GLIS3: variants seen among roughly 807,000 people sequenced by gnomAD.
The protein encoded by GLIS3 is GLIS family zinc finger 3.
In GLIS3, 53 loss-of-function variants were observed where a neutral mutation model predicts 78.6. The ratio of observed to expected loss-of-function variants is 0.67; its 90% CI spans 0.54 to 0.85. The LOEUF (loss-of-function observed/expected upper bound fraction) is 0.85. Among genes scored for constraint, GLIS3 ranks in the 40% least tolerant of loss-of-function variants. The pLI is 0.00. For synonymous variants in GLIS3, 684 were observed against 509.9 expected (o/e 1.34, Z -4.60); for missense variants, 1,703 against 1,231.1 (o/e 1.38, Z -5.74).
intron 4 of GLIS3, among the ~76,000 whole-genome samples, chr9:4,069,985 G>A (rs1019632749): frequency 1.3e-5 from 2 of 152,038 alleles, no homozygotes; most frequent in African/African-American, 4.8e-5. Flanking sequence ...GAGAGACCCA[G>A]GGAACATGGC....
At chr9:4,145,664 G>C (rs886120404) in intron 2 of GLIS3, among the ~76,000 whole-genome samples, 1 of 151,854 alleles carries the variant, frequency 6.6e-6, no homozygotes, top group African/African-American at 2.4e-5. Context: ...CTCTGTCAGA[G>C]GGACCTAACA....
chr9:4,158,774 G>T (rs1345035086), intron 2 of GLIS3, among the ~76,000 whole-genome samples: 4 of 152,142 alleles, frequency 2.6e-5, no homozygotes, highest in Non-Finnish European at 5.9e-5. Context: ...ACAATAATAT[G>T]AGTGAATGAA....
chr9:3,943,202 T>C (rs756152606), intron 4 of GLIS3, among the ~76,000 whole-genome samples: 12 of 152,182 alleles, frequency 7.9e-5, no homozygotes, highest in Admixed American at 2.6e-4. Context: ...CTAGCAAATC[T>C]TAACATTTAC....
chr9:4,283,766 G>C (rs1043223257), intron 2 of GLIS3, among the ~76,000 whole-genome samples: 1 of 152,198 alleles, frequency 6.6e-6, no homozygotes, highest in Non-Finnish European at 1.5e-5. Flanking sequence ...GCTTAGTATA[G>C]GAATTGTCAA....
chr9:4,094,146 G>A (rs1829750854), intron 4 of GLIS3, among the ~76,000 whole-genome samples: 1 of 152,212 alleles, frequency 6.6e-6, no homozygotes, highest in African/African-American at 2.4e-5. Flanking sequence ...AGAAAGAGAT[G>A]GGAGTGGAAC....
chr9:4,446,675 A>AT, the GLIS3 span, among the ~76,000 whole-genome samples: 4,968 of 123,290 alleles, frequency 0.04, 225 homozygotes, highest in East Asian at 0.24. Flanking sequence ...ATGCCCGGCT[A>AT]ATTTTTTTTT....
chr9:4,083,797 T>C (rs1011229229), intron 4 of GLIS3, among the ~76,000 whole-genome samples: 5 of 152,212 alleles, frequency 3.3e-5, no homozygotes, highest in Non-Finnish European at 5.9e-5. Context: ...CCTTGAAATC[T>C]ATGCAAGATG....
At position 4,212,614 on chromosome 9, in the gene GLIS3, A is replaced by G. The variant is rs1025972400; in HGVS notation, c.388+73424T>C. Among the ~76,000 whole-genome samples, 5 of 152,330 alleles carry G rather than the reference A, an allele frequency of 3.3e-5. No individual in the cohort carries two copies. In the East Asian group the frequency reaches 9.6e-4, roughly 29 times the overall value. ...TGATTTTGATATCAGAAATTCCTGA[A>G]AAACTAACTTTTAGCTGAGGTCTAA... On this transcript the variant is annotated intron_variant, in intron 2 of 10. Transcript: ENST00000381971.
rs146513056 is a variant in GLIS3, at chr9:4,219,965, C to T, written c.388+66073G>A. 1.5e-4 allele frequency among the ~76,000 whole-genome samples: 23 copies of T among 152,318 alleles called. No individual in the cohort carries two copies. In the East Asian group the frequency reaches 4.2e-3, roughly 28 times the overall value. ...TAACCACAGCTCTCTGTGGAAATGG[C>T]TGATTCCAGAGCTAAGGCAAGAAAG... On this transcript the variant is annotated intron_variant, in intron 2 of 10. Transcript: ENST00000381971.
At chr9:4,183,852 C>T (rs1021118687) in intron 2 of GLIS3, among the ~76,000 whole-genome samples, 2 of 152,108 alleles carry the variant, frequency 1.3e-5, no homozygotes, top group African/African-American at 4.8e-5. Flanking sequence ...TTTCAATTAG[C>T]CTTTCAGATC....
At chr9:4,262,237 C>T (rs1462956365) in intron 2 of GLIS3, among the ~76,000 whole-genome samples, 1 of 152,124 alleles carries the variant, frequency 6.6e-6, no homozygotes, top group African/African-American at 2.4e-5. Context: ...CTAGCCATTT[C>T]TTGAGGCCCC....
At chr9:4,215,368 T>A (rs375313218) in intron 2 of GLIS3, among the ~76,000 whole-genome samples, 1 of 152,028 alleles carries the variant, frequency 6.6e-6, no homozygotes, top group Non-Finnish European at 1.5e-5. Context: ...TAAATACATA[T>A]GCATATGTAA....
At chr9:4,490,147 C>T in the GLIS3 span, among the ~76,000 whole-genome samples, 1 of 152,252 alleles carries the variant, frequency 6.6e-6, no homozygotes, top group Admixed American at 6.5e-5. Flanking sequence ...AGTCCGCGCC[C>T]AGGAGGGCAG....
chr9:4,415,489 A>G, the GLIS3 span, among the ~76,000 whole-genome samples: 14 of 152,340 alleles, frequency 9.2e-5, no homozygotes, highest in East Asian at 2.7e-3. Flanking sequence ...CTACAGAGGC[A>G]TTTTGTTTAG....
the GLIS3 span, among the ~76,000 whole-genome samples, chr9:4,439,934 C>A: frequency 1.3e-5 from 2 of 152,192 alleles, no homozygotes; most frequent in Admixed American, 1.3e-4. Context: ...CTGCCTACCT[C>A]AGCCTTTCAA....
intron 2 of GLIS3, among the ~76,000 whole-genome samples, chr9:4,189,407 C>T (rs1315547698): frequency 1.3e-5 from 2 of 152,150 alleles, no homozygotes; most frequent in Admixed American, 6.5e-5. Flanking sequence ...GAGAGCTTTA[C>T]TTCCAACTAT....
At chr9:3,882,599 G>C (rs961992879) in intron 7 of GLIS3, among the ~76,000 whole-genome samples, 1 of 152,196 alleles carries the variant, frequency 6.6e-6, no homozygotes, top group Non-Finnish European at 1.5e-5. Context: ...CAGCTGTGCT[G>C]GTTTGACTGA....
chr9:4,197,880 C>T (rs1431634595), intron 2 of GLIS3, among the ~76,000 whole-genome samples: 1 of 151,978 alleles, frequency 6.6e-6, no homozygotes, highest in Non-Finnish European at 1.5e-5. Context: ...GCCAAAAGAC[C>T]ATACCCAGCA....
chr9:4,286,867 A>G (rs1225982338), intron 1 of GLIS3, among the ~76,000 whole-genome samples: 1 of 152,236 alleles, frequency 6.6e-6, no homozygotes, highest in Non-Finnish European at 1.5e-5. Context: ...CACTTTTGCT[A>G]CAGTGGGTCT....
Sources: gnomAD v4.1 joint callset for allele counts (sites outside exome capture counted in the v4.1 genomes callset) on GRCh38, gnomAD v4.1.1 for gene constraint, MANE v1.5 for transcripts, NCBI Gene and HGNC (gene_info 2026-07-23, HGNC 2026-07-21) for gene names.